The following GALNT6 variants were observed in gnomAD, a reference collection of about 807,000 sequenced individuals.
GALNT6 encodes polypeptide N-acetylgalactosaminyltransferase 6, also known as GalNAc transferase 6.
GALNT6 carries 51 observed loss-of-function variants against 65.9 expected under a neutral mutation model. The observed-to-expected ratio is 0.77, with a 90% confidence interval of 0.62 to 0.98. The LOEUF is 0.98. GALNT6 is among the 50% of genes least tolerant of loss of function. The probability of loss-of-function intolerance (pLI) is 0.00; values close to 1 mark genes in which losing one functional copy is unlikely to be tolerated. For synonymous variants in GALNT6, 323 were observed against 315.1 expected (o/e 1.02, Z -0.26); for missense variants, 708 against 803.3 (o/e 0.88, Z 1.43).
rs535615460 is a variant in GALNT6, at chr12:51,377,231, T to C, written c.628A>G (p.Lys210Glu). ...GCATCATCCACCAGTATGATCTCCTTGAGCAAGATGGCAGGGGTGGTGTGT... is the reference window on the plus strand; with the variant it reads ...GCATCATCCACCAGTATGATCTCCTCGAGCAAGATGGCAGGGGTGGTGTGT... ...VLHTTPAILL[K>E]EIILVDDAST... Residue 210 changes from lysine (K) to glutamate (E), a missense_variant, in exon 4 of 12, where the codon AAG becomes GAG. Physicochemically the swap from Lys to Glu is moderately conservative, Grantham distance 56. Coordinates refer to ENST00000356317, the MANE Select transcript of GALNT6 (RefSeq NM_007210.4). 40 of 1,613,794 alleles carry C rather than the reference T, an allele frequency of 2.5e-5. No homozygotes were observed. In the East Asian group the frequency reaches 8.2e-4, roughly 33 times the overall value.
intron 5 of GALNT6, 38 bp from the exon 6 acceptor site, chr12:51,364,393 G>T: frequency 7.0e-7 from 1 of 1,427,746 alleles, no homozygotes; most frequent in Non-Finnish European, 9.9e-7. Flanking sequence ...TCAGGGCCCT[G>T]CCCACAGCAG....
rs1354731205 is a variant in GALNT6 at position 51,352,060 on chromosome 12, A to C, written c.*2319T>G. Reference sequence around the variant, plus strand: ...ATGTAGGCGGCCTCCCGCAGGGTTGAGTTGCAATGGGAACAAAGACAGCTG... The same window carrying C: ...ATGTAGGCGGCCTCCCGCAGGGTTGCGTTGCAATGGGAACAAAGACAGCTG... On this transcript the variant is annotated 3_prime_UTR_variant, in exon 12 of 12. Transcript: ENST00000356317. 3 of 152,238 alleles carry C rather than the reference A, an allele frequency of 2.0e-5. No individual in the cohort carries two copies. The highest frequency in any genetic ancestry group is 4.4e-5 in the Non-Finnish European group (3 of 68,078). 9.4% of individuals were successfully genotyped at this position (152,238 alleles called of 1,614,324 possible). A position where few individuals can be genotyped will look rare whatever the true frequency, so the allele number is the denominator to read the frequency against.
chr12:51,355,034 C>A (rs1358113171), intron 11 of GALNT6, among the ~76,000 whole-genome samples: 2 of 152,156 alleles, frequency 1.3e-5, no homozygotes, highest in Non-Finnish European at 2.9e-5. Context: ...AAATCCCAGG[C>A]CTGCCATTTA....
chr12:51,375,900 T>C (rs1313958879), intron 4 of GALNT6, among the ~76,000 whole-genome samples: 1 of 151,574 alleles, frequency 6.6e-6, no homozygotes, highest in Non-Finnish European at 1.5e-5. Flanking sequence ...TCACTCTGTC[T>C]CTCAGGCAGA....
At chr12:51,368,381 CT>C (rs1234453347) in intron 4 of GALNT6, among the ~76,000 whole-genome samples, 3 of 137,872 alleles carry the variant, frequency 2.2e-5, no homozygotes, top group Non-Finnish European at 3.1e-5. Flanking sequence ...CTTTTTCCTT[CT>C]TTTTTTTTCC....
chr12:51,359,111 C>T (rs1457649649), intron 8 of GALNT6, 21 bp downstream of exon 8: 8 of 1,599,408 alleles, frequency 5.0e-6, no homozygotes, highest in Non-Finnish European at 6.9e-6. Flanking sequence ...CTAAACCTCT[C>T]CGAGAACCAT....
rs370167458 is a variant in GALNT6 at position 51,379,679 on chromosome 12, C to T, written c.103G>A (p.Glu35Lys). ...AGCCACGGCTTCTCTGTGGCCTCCT[C>T]TCTGCTGCTCACATCCCTATGCAGG... ...FLLHRDVSSR[E>K]EATEKPWLKS... The change falls in exon 3 of 12, where the codon GAG (glutamate) becomes AAG (lysine). Residue 35 changes from glutamate to lysine, a missense_variant. Glu to Lys is a moderately conservative substitution (Grantham distance 56). Transcript: ENST00000356317. 336 of 1,614,086 alleles carry T rather than the reference C, an allele frequency of 2.1e-4. No homozygotes were observed. The highest frequency in any genetic ancestry group is 2.7e-4 in the Non-Finnish European group (313 of 1,180,028).
chr12:51,354,427 C>T lies in GALNT6; in HGVS notation c.1821G>A (p.Met607Ile), dbSNP rs979573051. 4 of 1,592,170 alleles carry T rather than the reference C, an allele frequency of 2.5e-6. No individual in the cohort carries two copies. In the South Asian group the frequency reaches 4.6e-5, roughly 18 times the overall value. ...CLTSQDKKPA[M>I]APCNPSDPHQ... ...GGGGGTCACTGGGATTGCAGGGGGCCATGGCTGGCTTTTTGTCCTGGGATG... is the reference window on the plus strand; with the variant it reads ...GGGGGTCACTGGGATTGCAGGGGGCTATGGCTGGCTTTTTGTCCTGGGATG... Residue 607 changes from methionine to isoleucine, a missense_variant, in exon 12 of 12, where the codon ATG (methionine) becomes ATA (isoleucine). Transcript: ENST00000356317.
intron 4 of GALNT6, among the ~76,000 whole-genome samples, chr12:51,372,140 A>T (rs1478928099): frequency 6.6e-6 from 1 of 152,212 alleles, no homozygotes; most frequent in Admixed American, 6.5e-5. Flanking sequence ...AGGGATTTTA[A>T]CAGATTCTGA....
Position 51,379,989 on chromosome 12 carries a change from A to G in GALNT6, c.-103-105T>C, listed in dbSNP as rs1448038577. On this transcript the variant is annotated intron_variant, in intron 2 of 11. Coordinates refer to ENST00000356317, the MANE Select transcript of GALNT6 (RefSeq NM_007210.4). ...GGCTCTGTTGCTGAGTGGTGGCATC[A>G]CCTTATTGGCCACAACTTTCCCATA... is the stretch of plus-strand genomic sequence containing the variant. The G allele has an allele frequency of 2.1e-5, 12 of 579,054 alleles. No homozygotes were observed. The Admixed American group carries it at 3.0e-4, about 15-fold the overall frequency. The allele number at this position is 579,054 out of a possible 1,614,324, so 35.9% of individuals were successfully genotyped here. A position where few individuals can be genotyped will look rare whatever the true frequency, so the allele number is the denominator to read the frequency against.
Position 51,353,942 on chromosome 12 carries a change from C to T in GALNT6, c.*437G>A, listed in dbSNP as rs776934242. On this transcript the variant is annotated 3_prime_UTR_variant, in exon 12 of 12. Transcript: ENST00000356317. ...TTTTTTTTGCCGGGGGGAGGGTGGGCGTAGAGATGGGATCCTCACTATGTT... is the reference window on the plus strand; with the variant it reads ...TTTTTTTTGCCGGGGGGAGGGTGGGTGTAGAGATGGGATCCTCACTATGTT... 5 of 152,472 alleles carry T rather than the reference C, an allele frequency of 3.3e-5. No individual in the cohort carries two copies. Among genetic ancestry groups the T allele is most frequent in the Non-Finnish European group, 5.8e-5 (4 of 68,924 alleles). 9.4% of individuals were successfully genotyped at this position (152,472 alleles called of 1,614,324 possible). A position where few individuals can be genotyped will look rare whatever the true frequency, so the allele number is the denominator to read the frequency against.
chr12:51,365,704 G>C, intron 4 of GALNT6, 125 bp from the exon 5 acceptor site: 1 of 839,100 alleles, frequency 1.2e-6, no homozygotes, highest in Non-Finnish European at 1.8e-6. Flanking sequence ...AACACCTGCT[G>C]TACTGAGCCA....
At chr12:51,369,597 T>C (rs1463984364) in intron 4 of GALNT6, among the ~76,000 whole-genome samples, 1 of 152,222 alleles carries the variant, frequency 6.6e-6, no homozygotes, top group African/African-American at 2.4e-5. Context: ...ATCATGCAGA[T>C]GGCTCCCAGG....
At chr12:51,378,571 C>T (rs556943604) in intron 3 of GALNT6, among the ~76,000 whole-genome samples, 5 of 148,200 alleles carry the variant, frequency 3.4e-5, no homozygotes, top group East Asian at 3.9e-4. Flanking sequence ...TAAAGACTCA[C>T]GAAATCTGGG....
intron 5 of GALNT6, 46 bp from the exon 6 acceptor site, chr12:51,364,401 C>G (rs766839858): frequency 7.3e-7 from 1 of 1,368,084 alleles, no homozygotes; most frequent in Admixed American, 1.7e-5. Context: ...CTGCCCACAG[C>G]AGAGCCCAAG....
chr12:51,360,801 TG>T lies in GALNT6; in HGVS notation c.1086del (p.Lys363SerfsTer43). 6.2e-7 allele frequency: 1 copy of T among 1,613,476 alleles called. No individual in the cohort carries two copies. The highest frequency in any genetic ancestry group is 1.3e-5 in the African/African-American group (1 of 74,986). On this transcript the variant is annotated frameshift_variant, in exon 7 of 12. Coordinates refer to ENST00000356317, the MANE Select transcript of GALNT6 (RefSeq NM_007210.4). LOFTEE classifies it high-confidence loss of function. ...PTFAGGLFSI[S>X]KSYFEHIGTY... ...GTACCGATGTGCTCAAAGTAGGACT[TG>T]GAGATGGAGAAGAGGCCACCAGCAA... is the stretch of plus-strand genomic sequence containing the variant.
At chr12:51,377,577 A>C (rs1038155877) in intron 3 of GALNT6, among the ~76,000 whole-genome samples, 12 of 151,842 alleles carry the variant, frequency 7.9e-5, no homozygotes, top group African/African-American at 2.9e-4. Flanking sequence ...TTCTAGCCAA[A>C]CCACTCCAAA....
chr12:51,365,904 G>T (rs550358604), intron 4 of GALNT6, among the ~76,000 whole-genome samples: 1 of 152,110 alleles, frequency 6.6e-6, no homozygotes, highest in Non-Finnish European at 1.5e-5. Flanking sequence ...CTGTGGTCAC[G>T]TATCAAGTAC....
At chr12:51,384,562 T>G (rs35511457) in intron 2 of GALNT6, among the ~76,000 whole-genome samples, 57,774 of 151,534 alleles carry the variant, frequency 0.38, 12,351 homozygotes, top group East Asian at 0.62. Context: ...CATGGTGGCA[T>G]GTGCCTGTAA....
Sources: allele counts gnomAD v4.1 joint callset (sites outside exome capture counted in the v4.1 genomes callset), GRCh38; gene constraint gnomAD v4.1.1; transcripts MANE v1.5; gene names NCBI Gene and HGNC (gene_info 2026-07-23, HGNC 2026-07-21).